KIF13B: variants seen among roughly 807,000 people sequenced by gnomAD.
KIF13B encodes kinesin-like protein KIF13B.
A neutral mutation model predicts 222.0 loss-of-function variants in KIF13B; 127 were observed. The observed-to-expected ratio is 0.57, with a 90% CI of 0.50 to 0.66. The LOEUF (loss-of-function observed/expected upper bound fraction) is 0.66. Among genes scored for constraint, KIF13B ranks in the 30% least tolerant of loss-of-function variants. The probability of loss-of-function intolerance (pLI) is 0.00; values close to 1 mark genes in which losing one functional copy is unlikely to be tolerated. For missense variants in KIF13B, 2,173 were observed against 2,379.0 expected, an observed-to-expected ratio of 0.91 and a Z score of 1.80; for synonymous variants, 976 against 919.0, an observed-to-expected ratio of 1.06 and a Z score of -1.12.
At chr8:29,090,756 C>T (rs1359498875) in intron 37 of KIF13B, among the ~76,000 whole-genome samples, 2 of 152,192 alleles carry the variant, frequency 1.3e-5, no homozygotes, top group Admixed American at 1.3e-4. Flanking sequence ...GTCACCCAGG[C>T]TGGAATGCAG....
In KIF13B at chr8:29,140,518, A is replaced by G. The variant is rs755139179; in HGVS notation, c.2434T>C (p.Tyr812His). The G allele has an allele frequency of 1.9e-6, 3 of 1,613,986 alleles. No homozygotes were observed. The highest frequency in any genetic ancestry group is 2.5e-6 in the Non-Finnish European group (3 of 1,179,862). The change falls in exon 20 of 40, where the codon TAT becomes CAT. Residue 812 changes from tyrosine (Y) to histidine (H), a missense_variant. Tyr to His is a moderately conservative substitution (Grantham distance 83, BLOSUM62 2). Around this residue, in one of 2 missense-constraint regions of KIF13B, gnomAD observed 1,480 missense variants for 1,722.8 expected, o/e 0.86. Transcript: ENST00000524189. Reference protein sequence around the residue: ...VANVFLESLFYDVKLQYAVPI... With the variant: ...VANVFLESLFHDVKLQYAVPI... ...ACAGCGTATTGTAACTTCACATCAT[A>G]GAAAAGTGACTCGAGGAAGACATTG... is the stretch of plus-strand genomic sequence containing the variant.
intron 2 of KIF13B, among the ~76,000 whole-genome samples, chr8:29,224,955 G>C (rs1360743720): frequency 6.6e-6 from 1 of 152,226 alleles, no homozygotes; most frequent in African/African-American, 2.4e-5. Flanking sequence ...CAGTTATGCT[G>C]AAGTATTTTA....
At chr8:29,135,679 G>C (rs1188381239) in intron 21 of KIF13B, among the ~76,000 whole-genome samples, 1 of 152,096 alleles carries the variant, frequency 6.6e-6, no homozygotes, top group African/African-American at 2.4e-5. Context: ...AGGATCACTT[G>C]AGGTCAGGAG....
chr8:29,238,989 G>T (rs920809573), intron 2 of KIF13B, among the ~76,000 whole-genome samples: 1 of 152,168 alleles, frequency 6.6e-6, no homozygotes. Flanking sequence ...AGTGAGCAGT[G>T]ATCACACCAC....
chr8:29,228,466 T>TAAAA (rs71551621), intron 2 of KIF13B, among the ~76,000 whole-genome samples: 1 of 68,262 alleles, frequency 1.5e-5, no homozygotes, highest in Non-Finnish European at 3.3e-5. Context: ...GACTCCATCT[T>TAAAA]AAAAAAATAT....
At chr8:29,202,737 A>G (rs1038500270) in intron 2 of KIF13B, among the ~76,000 whole-genome samples, 2 of 152,134 alleles carry the variant, frequency 1.3e-5, no homozygotes, top group Admixed American at 6.5e-5. Context: ...CCTTAGATTC[A>G]CTGTTCAACT....
At chr8:29,147,317 T>G (rs1251200924) in intron 17 of KIF13B, 75 bp downstream of exon 17, 3 of 1,062,812 alleles carry the variant, frequency 2.8e-6, no homozygotes, top group Non-Finnish European at 4.1e-6. Context: ...ATGTTCCCAT[T>G]TGACACTTTC....
Position 29,148,711 on chromosome 8 carries a change from G to A in KIF13B, c.1679C>T (p.Pro560Leu), listed in dbSNP as rs868554153. Residue 560 changes from proline (P) to leucine (L), a missense_variant, in exon 16 of 40, where the codon CCC (proline) becomes CTC (leucine). Pro to Leu is a moderately conservative substitution (Grantham distance 98, BLOSUM62 -3). This residue lies in a region of KIF13B where 1,480 missense variants were observed against 1,722.8 expected (regional missense o/e 0.86). Transcript: ENST00000524189. ...KAEREDEDQD[P>L]SMKNENSSEQ... The stretch of plus-strand genomic sequence containing the variant: ...AGAACTATTCTCGTTCTTCATGGAG[G>A]GATCCTGGTCCTCATCCTCTCGTTC... 3 of 1,609,898 alleles carry A rather than the reference G, an allele frequency of 1.9e-6. No homozygotes were observed. The highest frequency in any genetic ancestry group is 1.7e-5 in the Admixed American group (1 of 59,502).
intron 1 of KIF13B, among the ~76,000 whole-genome samples, chr8:29,251,393 G>A (rs942897147): frequency 1.3e-5 from 2 of 152,190 alleles, no homozygotes; most frequent in Non-Finnish European, 2.9e-5. Context: ...AGCACCCACT[G>A]ACGAATGGAG....
chr8:29,177,317 G>A, intron 9 of KIF13B, 149 bp downstream of exon 9: 1 of 607,438 alleles, frequency 1.6e-6, no homozygotes, highest in Non-Finnish European at 3.0e-6. Flanking sequence ...GCCCCATCAG[G>A]CATCTCAACA....
chr8:29,179,777 G>C (rs1004517615), intron 8 of KIF13B, among the ~76,000 whole-genome samples: 2 of 151,764 alleles, frequency 1.3e-5, no homozygotes, highest in Non-Finnish European at 2.9e-5. Flanking sequence ...TCACAGCTAT[G>C]GGTATGCCTG....
chr8:29,073,613 A>G (rs557649608), intron 38 of KIF13B, among the ~76,000 whole-genome samples: 1 of 152,314 alleles, frequency 6.6e-6, no homozygotes, highest in Non-Finnish European at 1.5e-5. Flanking sequence ...ATATTTATGG[A>G]AAAATTATTT....
At chr8:29,118,215 G>A (rs764565960) in intron 30 of KIF13B, among the ~76,000 whole-genome samples, 141 of 151,308 alleles carry the variant, frequency 9.3e-4, no homozygotes, top group Non-Finnish European at 1.3e-3. Context: ...TCCCAGCCAG[G>A]CACAGTGGCT....
At position 29,188,589 on chromosome 8, in the gene KIF13B, T is replaced by G. The variant is rs751114531; in HGVS notation, c.242A>C (p.Lys81Thr). ...EKYAGQDIVFKCLGENILQNA... is the reference protein window; with the variant it reads ...EKYAGQDIVFTCLGENILQNA... ...CTGCAGGATATTCTCTCCAAGGCAC[T>G]TGAAAACAATATCTTGACCTGAGAG... The change falls in exon 5 of 40, where the codon AAG becomes ACG. Residue 81 changes from lysine (K) to threonine (T), a missense_variant. Lys to Thr is a moderately conservative substitution (Grantham distance 78). Coordinates refer to ENST00000524189, the MANE Select transcript of KIF13B (RefSeq NM_015254.4). The G allele has an allele frequency of 1.2e-6, 2 of 1,609,946 alleles. No individual in the cohort carries two copies. The highest frequency in any genetic ancestry group is 2.2e-5 in the South Asian group (2 of 90,768).
At position 29,155,756 on chromosome 8, in the gene KIF13B, T is replaced by C. The variant is rs373090410; in HGVS notation, c.1505A>G (p.Gln502Arg). ...GTTCTTCTGAGGAGTCAGCATAACC[T>C]GGCCTTCTGACGTGATGTCTATAAT... ...HCIIDITSEG[Q>R]VMLTPQKNTR... The change falls in exon 14 of 40, where the codon CAG becomes CGG. Residue 502 changes from glutamine (Q) to arginine (R), a missense_variant. By Grantham distance (43) the Gln-to-Arg change is conservative. This residue lies in a region of KIF13B where 1,480 missense variants were observed against 1,722.8 expected (regional missense o/e 0.86). Transcript: ENST00000524189. The C allele has an allele frequency of 2.7e-5, 43 of 1,604,900 alleles. No homozygotes were observed. The highest frequency in any genetic ancestry group is 6.7e-5 in the African/African-American group (5 of 74,836).
chr8:29,223,785 G>A (rs879403315), intron 2 of KIF13B, among the ~76,000 whole-genome samples: 22 of 152,212 alleles, frequency 1.4e-4, no homozygotes, highest in Admixed American at 3.9e-4. Context: ...TCCACCTCCC[G>A]GGTTCAAGTG....
intron 1 of KIF13B, among the ~76,000 whole-genome samples, chr8:29,248,023 T>C (rs1586984347): frequency 6.6e-6 from 1 of 152,222 alleles, no homozygotes; most frequent in African/African-American, 2.4e-5. Flanking sequence ...CTGGGATAAC[T>C]ATAATCAAAA....
intron 24 of KIF13B, among the ~76,000 whole-genome samples, chr8:29,128,787 T>A (rs1246508758): frequency 2.6e-5 from 4 of 152,230 alleles, no homozygotes; most frequent in Non-Finnish European, 4.4e-5. Flanking sequence ...TCACTACTGA[T>A]ATTTGACCAT....
chr8:29,148,400 G>A (rs4994278), intron 16 of KIF13B, among the ~76,000 whole-genome samples, 177 bp downstream of exon 16: 35 of 146,072 alleles, frequency 2.4e-4, no homozygotes, highest in South Asian at 1.5e-3. Context: ...ACACTCTACC[G>A]TTTTTTTTTT....
Sources: gnomAD v4.1 joint callset for allele counts (sites outside exome capture counted in the v4.1 genomes callset) on GRCh38, gnomAD v4.1.1 for gene constraint, gnomAD v4.1.1 regional missense constraint, MANE v1.5 for transcripts, NCBI Gene and HGNC (gene_info 2026-07-23, HGNC 2026-07-21) for gene names.